The following HFM1 variants were observed in gnomAD, a reference collection of about 807,000 sequenced individuals.
HFM1 encodes helicase for meiosis 1.
HFM1 carries 169 observed loss-of-function variants against 192.1 expected under a neutral mutation model. That is an observed-to-expected ratio of 0.88 (90% CI 0.78 to 1.00). The LOEUF is 1.00. HFM1 is among the 50% of genes least tolerant of loss of function. The pLI, the probability that HFM1 is intolerant of heterozygous loss-of-function variation, is 0.00. For synonymous variants in HFM1, 525 were observed against 537.8 expected, an observed-to-expected ratio of 0.98 and a Z score of 0.33; for missense variants, 1,661 against 1,668.0, an observed-to-expected ratio of 1.00 and a Z score of 0.07.
intron 13 of HFM1, among the ~76,000 whole-genome samples, chr1:91,355,697 T>A (rs34390075): frequency 7.9e-5 from 12 of 151,920 alleles, no homozygotes; most frequent in Admixed American, 5.2e-4. Flanking sequence ...CACCCAACAC[T>A]GAAGCATAAC....
chr1:91,289,222 C>T lies in HFM1; in HGVS notation c.3392-12160G>A, dbSNP rs1344383984. Among the ~76,000 whole-genome samples the T allele has an allele frequency of 2.4e-4, 36 of 151,254 alleles. No individual in the cohort carries two copies. In the East Asian group the frequency reaches 3.5e-3, roughly 15 times the overall value. On this transcript the variant is annotated intron_variant, in intron 30 of 38. Transcript: ENST00000370425. ...GCAGAGACACTCCTCAGTTCCAAGA[C>T]GGGGTCGCGGCCGGACAGAGGCGCT...
chr1:91,277,839 A>G (rs1570753111), intron 30 of HFM1, among the ~76,000 whole-genome samples: 2 of 123,694 alleles, frequency 1.6e-5, no homozygotes, highest in African/African-American at 3.1e-5. Context: ...TATATAATAT[A>G]TACTAATATA....
chr1:91,387,262 A>G (rs28368926), intron 4 of HFM1, among the ~76,000 whole-genome samples: 32 of 152,034 alleles, frequency 2.1e-4, no homozygotes, highest in Non-Finnish European at 4.1e-4. Context: ...GAACAATCCA[A>G]CGCTTGGTGA....
At chr1:91,334,689 G>A (rs1043261400) in intron 20 of HFM1, among the ~76,000 whole-genome samples, 4 of 152,064 alleles carry the variant, frequency 2.6e-5, no homozygotes. Flanking sequence ...CCAGCACTTT[G>A]GGAGGCCGAG....
At chr1:91,267,179 G>C (rs887566652) in intron 35 of HFM1, among the ~76,000 whole-genome samples, 7 of 152,062 alleles carry the variant, frequency 4.6e-5, no homozygotes, top group African/African-American at 1.7e-4. Context: ...TTCACTCAAA[G>C]AGCTAATAAG....
chr1:91,385,529 G>A (rs748510353), intron 5 of HFM1, 46 bp downstream of exon 5: 1 of 1,469,954 alleles, frequency 6.8e-7, no homozygotes, highest in South Asian at 1.3e-5. Context: ...TAAGAAATGT[G>A]GTTTAGTCTG....
intron 35 of HFM1, among the ~76,000 whole-genome samples, chr1:91,266,671 T>C (rs889082159): frequency 2.0e-5 from 3 of 152,190 alleles, no homozygotes; most frequent in Non-Finnish European, 4.4e-5. Context: ...ATGGCACTTA[T>C]TGAGACTGAT....
intron 13 of HFM1, among the ~76,000 whole-genome samples, chr1:91,369,463 C>T (rs576590134): frequency 1.3e-5 from 2 of 152,316 alleles, no homozygotes; most frequent in Non-Finnish European, 2.9e-5. Context: ...AACCGCTCAA[C>T]TACATGGAAA....
rs2102148515 is a variant in HFM1, at chr1:91,394,296, A to G, written c.291T>C (p.Asp97=). 6.3e-7 allele frequency: 1 copy of G among 1,591,732 alleles called. No individual in the cohort carries two copies. The highest frequency in any genetic ancestry group is 8.6e-7 in the Non-Finnish European group (1 of 1,159,856). Residue 97 remains aspartate, a synonymous_variant, in exon 4 of 39, where the codon GAT becomes GAC. Coordinates refer to ENST00000370425, the MANE Select transcript of HFM1 (RefSeq NM_001017975.6). ...AATTTAGATCATCCTGTTCATATTT[A>G]TCAGAAGGAAAGGCAAACTGGAATT... ...TQKFQFAFPS[D]KYEQDDLNLE... is the part of the protein sequence containing the mutation.
At chr1:91,346,741 T>C (rs1656189622) in intron 19 of HFM1, among the ~76,000 whole-genome samples, 1 of 152,036 alleles carries the variant, frequency 6.6e-6, no homozygotes, top group Admixed American at 6.6e-5. Flanking sequence ...AAAGCTGAGG[T>C]TGGATAGGAA....
intron 30 of HFM1, among the ~76,000 whole-genome samples, chr1:91,284,939 CAT>C (rs1667801064): frequency 1.3e-5 from 2 of 152,148 alleles, no homozygotes; most frequent in African/African-American, 4.8e-5. Flanking sequence ...ATAATTTCCA[CAT>C]GTTGTGGGAG....
intron 3 of HFM1, among the ~76,000 whole-genome samples, chr1:91,395,247 G>A (rs1046731327): frequency 7.9e-5 from 12 of 152,062 alleles, no homozygotes; most frequent in East Asian, 3.9e-4. Flanking sequence ...GTTACCAGGC[G>A]ATCTTACCTT....
intron 30 of HFM1, among the ~76,000 whole-genome samples, chr1:91,309,183 A>T (rs543800122): frequency 6.6e-6 from 1 of 152,288 alleles, no homozygotes; most frequent in East Asian, 1.9e-4. Flanking sequence ...CTATTCAGAG[A>T]GCATGTCTAA....
intron 23 of HFM1, among the ~76,000 whole-genome samples, chr1:91,321,576 G>A (rs138727073): frequency 6.6e-6 from 1 of 152,054 alleles, no homozygotes; most frequent in Non-Finnish European, 1.5e-5. Context: ...AAGTAACAGG[G>A]ATATGACAAA....
rs754890820 is a variant in HFM1 at position 91,380,993 on chromosome 1, C to G, written c.803-11G>C. 42 of 1,177,466 alleles carry G rather than the reference C, an allele frequency of 3.6e-5. No homozygotes were observed. The highest frequency in any genetic ancestry group is 5.3e-5 in the Non-Finnish European group (42 of 797,294). 72.9% of individuals were successfully genotyped at this position (1,177,466 alleles called of 1,614,324 possible). ...TTCTAAATTTTGCCGCTTACAATAA[C>G]ATTAAGGAGTCAAATATTTCAGAAT... On this transcript the variant is annotated splice_polypyrimidine_tract_variant and intron_variant, in intron 6 of 38. Transcript: ENST00000370425.
chr1:91,311,348 G>C (rs1650412259), intron 30 of HFM1, among the ~76,000 whole-genome samples: 1 of 152,116 alleles, frequency 6.6e-6, no homozygotes, highest in African/African-American at 2.4e-5. Context: ...AAGGGGAACA[G>C]GGCATAAAAG....
chr1:91,404,634 G>C (rs1000998491), intron 1 of HFM1, 164 bp downstream of exon 1: 2 of 263,034 alleles, frequency 7.6e-6, no homozygotes, highest in Non-Finnish European at 1.5e-5. Context: ...GCGGCCTGGA[G>C]ACGCCTGGTG....
At chr1:91,315,730 A>C in intron 28 of HFM1, 85 bp downstream of exon 28, 1 of 945,162 alleles carries the variant, frequency 1.1e-6, no homozygotes, top group Non-Finnish European at 1.6e-6. Context: ...TCCCACAATG[A>C]TCTTGTTATT....
At chr1:91,271,166 C>T (rs552396675) in intron 34 of HFM1, among the ~76,000 whole-genome samples, 25 of 152,108 alleles carry the variant, frequency 1.6e-4, no homozygotes, top group Non-Finnish European at 3.5e-4. Flanking sequence ...AAACACATGA[C>T]TCAAATGAGG....
Sources: gnomAD v4.1 joint callset for allele counts (sites outside exome capture counted in the v4.1 genomes callset) on GRCh38, gnomAD v4.1.1 for gene constraint, MANE v1.5 for transcripts, NCBI Gene and HGNC (gene_info 2026-07-23, HGNC 2026-07-21) for gene names.